The following PLXNA3 variants were observed in gnomAD, a reference collection of about 807,000 sequenced individuals.
PLXNA3 encodes plexin-A3.
In PLXNA3, 52 loss-of-function variants were observed where a neutral mutation model predicts 118.8. The ratio of observed to expected loss-of-function variants is 0.44; its 90% CI spans 0.35 to 0.55. The LOEUF is 0.55. Ranked by LOEUF, PLXNA3 falls within the 20% of genes least tolerant of loss-of-function variation. The pLI, the probability that PLXNA3 is intolerant of heterozygous loss-of-function variation, is 0.01. For synonymous variants in PLXNA3, 925 were observed against 762.4 expected (o/e 1.21, Z -3.51); for missense variants, 1,660 against 1,730.8 (o/e 0.96, Z 0.73).
chrX:154,464,567 C>A (rs1389960618), intron 9 of PLXNA3, 66 bp downstream of exon 9: 2 of 951,847 alleles, frequency 2.1e-6, no homozygotes, highest in African/African-American at 3.8e-5. Flanking sequence ...ACAGGCGACA[C>A]CTTCAGGGCA....
intron 2 of PLXNA3, 31 bp downstream of exon 2, chrX:154,460,808 A>G: frequency 9.9e-7 from 1 of 1,005,115 alleles, no homozygotes; most frequent in Non-Finnish European, 1.3e-6. Flanking sequence ...TTCTTCCTCC[A>G]CCCAGTCCTG....
rs2069181984 is a variant in PLXNA3, at chrX:154,471,414, G to T, written c.5370-74G>T. ...CCAGCTACAGGCAGGAAGCCCGGGG[G>T]CTGGCTGGGCAGTGAGGGCAGGGGT... On this transcript the variant is annotated intron_variant, in intron 31 of 32. Transcript: ENST00000369682. 19 of 1,155,108 alleles carry T rather than the reference G, an allele frequency of 1.6e-5. No individual in the cohort carries two copies. The South Asian group carries it at 2.9e-4, about 17-fold the overall frequency.
chrX:154,461,037 C>A (rs782275500), intron 2 of PLXNA3, 62 bp from the exon 3 acceptor site: 2 of 992,571 alleles, frequency 2.0e-6, no homozygotes, highest in Non-Finnish European at 2.8e-6. Flanking sequence ...GGGAAGCTGG[C>A]GGTGGCCCGT....
Position 154,471,494 on chromosome X carries a change from T to C in PLXNA3, c.5376T>C (p.Tyr1792=), listed in dbSNP as rs781883443. Residue 1792 remains tyrosine, a synonymous_variant, in exon 32 of 33, where the codon TAT becomes TAC. Coordinates refer to ENST00000369682, the MANE Select transcript of PLXNA3 (RefSeq NM_017514.5). ...ATACTCAGGGTCCCAACAGGTATTA[T>C]CGAGACATTGCAAAGATGGCATCCA... The part of the protein sequence containing the change: ...PNYKSWVERY[Y]RDIAKMASIS... The C allele has an allele frequency of 8.3e-7, 1 of 1,202,541 alleles. No homozygotes were observed. Among genetic ancestry groups the C allele is most frequent in the South Asian group, 1.8e-5 (1 of 56,408 alleles).
intron 1 of PLXNA3, among the ~76,000 whole-genome samples, chrX:154,458,710 G>T (rs2068882833): frequency 9.0e-6 from 1 of 111,218 alleles, no homozygotes; most frequent in Admixed American, 9.4e-5. Flanking sequence ...GGGGTGCCCT[G>T]ATGGGGCCCG....
At position 154,464,410 on chromosome X, in the gene PLXNA3, C is replaced by T. The variant is rs781848425; in HGVS notation, c.1837C>T (p.Arg613Cys). ...RALTRGHGAT[R>C]TVRLQLLSKE... ...CCCCGGGACTGCTGCAGGGGCCACC[C>T]GCACTGTGCGGCTGCAGCTTCTCTC... The change falls in exon 9 of 33, where the codon CGC (arginine) becomes TGC (cysteine). Residue 613 changes from arginine (R) to cysteine (C), a missense_variant. Arg to Cys is a radical substitution (Grantham distance 180). Around this residue, in one of 2 missense-constraint regions of PLXNA3, gnomAD observed 791 missense variants for 652.1 expected, o/e 1.21. Coordinates refer to ENST00000369682, the MANE Select transcript of PLXNA3 (RefSeq NM_017514.5). 1.1e-5 allele frequency: 13 copies of T among 1,208,837 alleles called. No individual in the cohort carries two copies. The highest frequency in any genetic ancestry group is 3.0e-5 in the East Asian group (1 of 33,768).
rs1557208211 is a variant in PLXNA3 at position 154,468,393 on chromosome X, G to A, written c.4054G>A (p.Ala1352Thr). 1.7e-6 allele frequency: 2 copies of A among 1,210,760 alleles called. No homozygotes were observed. Among genetic ancestry groups the A allele is most frequent in the South Asian group, 1.8e-5 (1 of 57,013 alleles). ...FVLTFIHTLE[A>T]QSSFSMRDRG... The stretch of plus-strand genomic sequence containing the variant: ...GCTTACCTTCATCCACACGCTGGAG[G>A]CCCAGAGCAGCTTCTCCATGCGCGA... The change falls in exon 23 of 33, where the codon GCC (alanine) becomes ACC (threonine). Residue 1352 changes from alanine (A) to threonine (T), a missense_variant. Physicochemically the swap from Ala to Thr is moderately conservative, Grantham distance 58. This residue lies in a region of PLXNA3 where 869 missense variants were observed against 1,078.7 expected (regional missense o/e 0.81). Transcript: ENST00000369682.
At chrX:154,469,667 C>G (rs1055577957) in intron 27 of PLXNA3, 21 bp from the exon 28 acceptor site, 12 of 1,188,788 alleles carry the variant, frequency 1.0e-5, no homozygotes, top group Non-Finnish European at 1.1e-5. Context: ...CACTGCCCCC[C>G]TCTGTCTCTG....
chrX:154,473,108 G>A lies in PLXNA3; in HGVS notation c.*423G>A, dbSNP rs1285958298. 2.5e-5 allele frequency: 3 copies of A among 119,143 alleles called. No homozygotes were observed. Among genetic ancestry groups the A allele is most frequent in the African/African-American group, 9.6e-5 (3 of 31,230 alleles). 9.8% of individuals were successfully genotyped at this position (119,143 alleles called of 1,213,427 possible). ...CTGTCCTGGGCCCTGCCACCCGTCTGGGCTCCTTTGTGTAGCATTATCAGC... is the reference window on the plus strand; with the variant it reads ...CTGTCCTGGGCCCTGCCACCCGTCTAGGCTCCTTTGTGTAGCATTATCAGC... On this transcript the variant is annotated 3_prime_UTR_variant, in exon 33 of 33. Coordinates refer to ENST00000369682, the MANE Select transcript of PLXNA3 (RefSeq NM_017514.5).
rs782145107 is a variant in PLXNA3, at chrX:154,464,085, TGGG to T, written c.1671+14_1671+16del. ...TCACCTGGGGTGCAGGTGAGCAGCT[TGGG>T]GGTGCCCGGCTGGGTGTGCACATGT... is the stretch of plus-strand genomic sequence containing the variant. On this transcript the variant is annotated intron_variant, in intron 7 of 32. Transcript: ENST00000369682. 3.3e-6 allele frequency: 4 copies of T among 1,210,081 alleles called. No individual in the cohort carries two copies. The South Asian group carries it at 5.3e-5, about 16-fold the overall frequency.
rs368644346 is a variant in PLXNA3 at position 154,466,011 on chromosome X, G to A, written c.2609G>A (p.Arg870Gln). 1.2e-5 allele frequency: 14 copies of A among 1,209,490 alleles called. No individual in the cohort carries two copies. The South Asian group carries it at 2.1e-4, about 18-fold the overall frequency. Reference protein sequence around the residue: ...IVGENLGLLSREVGLRVAGVR... With the variant: ...IVGENLGLLSQEVGLRVAGVR... ...GGTGAGAACCTGGGCCTCTTGTCCC[G>A]AGAGGTGGGCCTGCGGGTGGCTGGC... is the stretch of plus-strand genomic sequence containing the variant. Residue 870 changes from arginine to glutamine, a missense_variant, in exon 14 of 33, where the codon CGA (arginine) becomes CAA (glutamine). Arg to Gln is a conservative substitution (Grantham distance 43, BLOSUM62 1). Coordinates refer to ENST00000369682, the MANE Select transcript of PLXNA3 (RefSeq NM_017514.5).
intron 1 of PLXNA3, among the ~76,000 whole-genome samples, chrX:154,458,686 C>T (rs2068882190): frequency 8.9e-6 from 1 of 112,109 alleles, no homozygotes; most frequent in African/African-American, 3.2e-5. Context: ...CTAAGGGCTC[C>T]GCGAGTCCGC....
intron 3 of PLXNA3, 99 bp from the exon 4 acceptor site, chrX:154,462,029 G>C (rs781891381): frequency 2.8e-6 from 2 of 722,586 alleles, no homozygotes; most frequent in African/African-American, 4.3e-5. Context: ...GAGGGGACCG[G>C]GTTCTAGATC....
In PLXNA3 at chrX:154,461,501, C is replaced by T. The variant is rs199954840; in HGVS notation, c.997C>T (p.Arg333Trp). The change falls in exon 3 of 33, where the codon CGG becomes TGG. Residue 333 changes from arginine (R) to tryptophan (W), a missense_variant. Around this residue, in one of 2 missense-constraint regions of PLXNA3, gnomAD observed 791 missense variants for 652.1 expected, o/e 1.21. Coordinates refer to ENST00000369682, the MANE Select transcript of PLXNA3 (RefSeq NM_017514.5). ...CCAGAAGAACCGGGCCAGCCCACCC[C>T]GGCAGACCATCCTCTGCCTCTTCAC... ...QGQKNRASPP[R>W]QTILCLFTLS... 74 of 1,210,776 alleles carry T rather than the reference C, an allele frequency of 6.1e-5. No individual in the cohort carries two copies. Among genetic ancestry groups the T allele is most frequent in the South Asian group, 1.2e-4 (7 of 56,943 alleles).
chrX:154,464,832 G>T lies in PLXNA3; in HGVS notation c.2007G>T (p.Glu669Asp). ...YRHTCTSRPH[E>D]CSFQEGRVHS... ...ACACGTGTACCAGCCGCCCCCACGA[G>T]TGCTCCTTCCAGGAGGGCAGGGTCC... The change falls in exon 10 of 33, where the codon GAG becomes GAT. Residue 669 changes from glutamate to aspartate, a missense_variant. Physicochemically the swap from Glu to Asp is conservative, Grantham distance 45. This residue lies in a region of PLXNA3 where 791 missense variants were observed against 652.1 expected (regional missense o/e 1.21). Transcript: ENST00000369682. 1 of 1,207,407 alleles carries T rather than the reference G, an allele frequency of 8.3e-7. No individual in the cohort carries two copies. The highest frequency in any genetic ancestry group is 1.1e-6 in the Non-Finnish European group (1 of 893,065).
In PLXNA3 at chrX:154,464,003, G is replaced by A. The variant is rs2069027767; in HGVS notation, c.1600G>A (p.Glu534Lys). 1 of 1,204,750 alleles carries A rather than the reference G, an allele frequency of 8.3e-7. No homozygotes were observed. The highest frequency in any genetic ancestry group is 1.7e-5 in the African/African-American group (1 of 57,377). ...CGCCTCTGCCCCACACGGCTTTGCT[G>A]AGGAGCTGAGCAAGTGTGTCCAGGT... ...LGASAPHGFAEELSKCVQVRV... is the reference protein window; with the variant it reads ...LGASAPHGFAKELSKCVQVRV... The change falls in exon 7 of 33, where the codon GAG (glutamate) becomes AAG (lysine). Residue 534 changes from glutamate to lysine, a missense_variant. Coordinates refer to ENST00000369682, the MANE Select transcript of PLXNA3 (RefSeq NM_017514.5).
intron 1 of PLXNA3, among the ~76,000 whole-genome samples, chrX:154,459,133 C>T (rs782081198): frequency 7.9e-4 from 85 of 108,246 alleles, no homozygotes; most frequent in African/African-American, 2.4e-3. Context: ...TCTCCTGTGC[C>T]TCCTTGGTTT....
At position 154,472,907 on chromosome X, in the gene PLXNA3, C is replaced by A; in HGVS notation, c.*222C>A. 2.6e-6 allele frequency: 1 copy of A among 390,585 alleles called. No individual in the cohort carries two copies. The highest frequency in any genetic ancestry group is 4.2e-5 in the Admixed American group (1 of 24,055). 32.2% of individuals were successfully genotyped at this position (390,585 alleles called of 1,213,427 possible). A position where few individuals can be genotyped will look rare whatever the true frequency, so the allele number is the denominator to read the frequency against. ...GTGACAGGGCGAGCCCCCACCCCAG[C>A]AGCAGCAATACCCCCACCCTCCTGC... On this transcript the variant is annotated 3_prime_UTR_variant, in exon 33 of 33. Coordinates refer to ENST00000369682, the MANE Select transcript of PLXNA3 (RefSeq NM_017514.5).
chrX:154,474,363 G>C lies in PLXNA3; in HGVS notation c.*1678G>C, dbSNP rs1433176635. 2 of 104,811 alleles carry C rather than the reference G, an allele frequency of 1.9e-5. No homozygotes were observed. Among genetic ancestry groups the C allele is most frequent in the Non-Finnish European group, 3.9e-5 (2 of 51,249 alleles). 8.6% of individuals were successfully genotyped at this position (104,811 alleles called of 1,213,427 possible). On this transcript the variant is annotated 3_prime_UTR_variant, in exon 33 of 33. Coordinates refer to ENST00000369682, the MANE Select transcript of PLXNA3 (RefSeq NM_017514.5). Reference sequence around the variant, plus strand: ...GGTTGCCGCTATGTTGTTCAGGCTGGTCTTGAATTCCTGGTCTCAAGTGAT... The same window carrying C: ...GGTTGCCGCTATGTTGTTCAGGCTGCTCTTGAATTCCTGGTCTCAAGTGAT...
Sources: allele counts gnomAD v4.1 joint callset (sites outside exome capture counted in the v4.1 genomes callset), GRCh38; gene constraint gnomAD v4.1.1; regional missense constraint gnomAD v4.1.1; transcripts MANE v1.5; gene names NCBI Gene and HGNC (gene_info 2026-07-23, HGNC 2026-07-21).